Variants in SLC35F3 observed in about 807,000 individuals in gnomAD.
SLC35F3 encodes putative thiamine transporter SLC35F3.
A neutral mutation model predicts 49.9 loss-of-function variants in SLC35F3; 25 were observed. The ratio of observed to expected loss-of-function variants is 0.50; its 90% CI spans 0.37 to 0.70. SLC35F3 has a LOEUF of 0.70. Among genes scored for constraint, SLC35F3 ranks in the 30% least tolerant of loss-of-function variants. The pLI is 0.00. For missense variants in SLC35F3, 525 were observed against 639.8 expected (o/e 0.82, Z 1.94); for synonymous variants, 275 against 265.4 (o/e 1.04, Z -0.35).
chr1:234,130,499 C>T lies in SLC35F3; in HGVS notation c.284-100918C>T, dbSNP rs759954586. Among the ~76,000 whole-genome samples, 29 of 149,576 alleles carry T rather than the reference C, an allele frequency of 1.9e-4. 1 individual carries two copies. Among genetic ancestry groups the T allele is most frequent in the African/African-American group, 6.2e-4 (25 of 40,464 alleles). On this transcript the variant is annotated intron_variant, in intron 2 of 7. Coordinates refer to ENST00000366618, the MANE Select transcript of SLC35F3 (RefSeq NM_173508.4). ...AAAAAAAAAAAAAAAATTAGCCAGG[C>T]GTGGTGGCGAGCACCTGTAGTCTCA...
intron 2 of SLC35F3, among the ~76,000 whole-genome samples, chr1:234,195,445 A>G (rs767317590): frequency 1.3e-5 from 2 of 152,200 alleles, no homozygotes; most frequent in African/African-American, 2.4e-5. Context: ...TAAATGTATC[A>G]AGGCTCAAGG....
chr1:234,302,929 G>T (rs1668716663), intron 3 of SLC35F3, among the ~76,000 whole-genome samples: 1 of 152,156 alleles, frequency 6.6e-6, no homozygotes. Context: ...AGTAGTAAAA[G>T]AATTATGGTA....
At chr1:234,097,170 T>C (rs545997366) in intron 2 of SLC35F3, among the ~76,000 whole-genome samples, 2 of 152,288 alleles carry the variant, frequency 1.3e-5, no homozygotes, top group African/African-American at 4.8e-5. Context: ...ATTACAGGCA[T>C]GAGCCACCGG....
At chr1:234,056,447 C>A (rs1664457980) in intron 2 of SLC35F3, among the ~76,000 whole-genome samples, 1 of 152,092 alleles carries the variant, frequency 6.6e-6, no homozygotes, top group South Asian at 2.1e-4. Context: ...GGTATCTGTG[C>A]AACTATCACC....
chr1:233,971,892 G>T (rs1662999889), intron 2 of SLC35F3, among the ~76,000 whole-genome samples: 1 of 152,174 alleles, frequency 6.6e-6, no homozygotes, highest in African/African-American at 2.4e-5. Context: ...CATGGCCCAG[G>T]CCTGTCACCC....
intron 2 of SLC35F3, among the ~76,000 whole-genome samples, chr1:233,938,149 A>T (rs757721961): frequency 6.6e-6 from 1 of 152,136 alleles, no homozygotes; most frequent in Non-Finnish European, 1.5e-5. Context: ...GTAACTAAAA[A>T]TTCACAGAAA....
At chr1:234,119,047 T>C (rs1390684492) in intron 2 of SLC35F3, among the ~76,000 whole-genome samples, 2 of 152,100 alleles carry the variant, frequency 1.3e-5, no homozygotes, top group Non-Finnish European at 2.9e-5. Flanking sequence ...TCACACCTCT[T>C]GAAGTTTCTG....
intron 3 of SLC35F3, among the ~76,000 whole-genome samples, chr1:234,232,534 A>AAAG (rs1558268156): frequency 2.0e-5 from 3 of 150,986 alleles, no homozygotes; most frequent in African/African-American, 7.3e-5. Flanking sequence ...AAAAAAAAAA[A>AAAG]AAAAAAGAAA....
In SLC35F3 at chr1:234,260,949, G is replaced by A. The variant is rs1667895246; in HGVS notation, c.608+29208G>A. Among the ~76,000 whole-genome samples the A allele has an allele frequency of 2.0e-5, 3 of 152,124 alleles. 1 individual carries two copies. The South Asian group carries it at 6.2e-4, about 32-fold the overall frequency. On this transcript the variant is annotated intron_variant, in intron 3 of 7. Coordinates refer to ENST00000366618, the MANE Select transcript of SLC35F3 (RefSeq NM_173508.4). Reference sequence around the variant, plus strand: ...AGGGAAATAGTTAAACATCAAAACAGGTATGAGCAACTTATGTTTTCTGCT... The same window carrying A: ...AGGGAAATAGTTAAACATCAAAACAAGTATGAGCAACTTATGTTTTCTGCT...
intron 2 of SLC35F3, among the ~76,000 whole-genome samples, chr1:234,097,855 G>A (rs1665147407): frequency 6.6e-6 from 1 of 152,222 alleles, no homozygotes; most frequent in Non-Finnish European, 1.5e-5. Context: ...TGAAAGAGAT[G>A]AAGAGACATG....
chr1:233,969,111 CAA>C (rs1191308763), intron 2 of SLC35F3, among the ~76,000 whole-genome samples: 1 of 152,082 alleles, frequency 6.6e-6, no homozygotes, highest in East Asian at 1.9e-4. Context: ...ACATTTCAGC[CAA>C]GCAAAGTTTA....
At chr1:234,059,243 T>C (rs1036113248) in intron 2 of SLC35F3, among the ~76,000 whole-genome samples, 3 of 152,036 alleles carry the variant, frequency 2.0e-5, no homozygotes, top group Non-Finnish European at 2.9e-5. Flanking sequence ...CGGTGTCTTA[T>C]GGTAGAAGAT....
Position 234,108,363 on chromosome 1 carries a change from T to TAA in SLC35F3, c.284-123054_284-123053insAA, listed in dbSNP as rs71574899. 0.054 allele frequency among the ~76,000 whole-genome samples: 5,616 copies of TAA among 104,094 alleles called. 1,273 individuals are homozygous for TAA. The East Asian group carries it at 0.83, about 15-fold the overall frequency. 68.3% of individuals were successfully genotyped at this position (104,094 alleles called of 152,430 possible). A position where few individuals can be genotyped will look rare whatever the true frequency, so the allele number is the denominator to read the frequency against. Reference sequence around the variant, plus strand: ...TATAAAAGATATATATTTATATATATGATATATATTATTTATATATATAAA... The same window carrying TAA: ...TATAAAAGATATATATTTATATATATAAGATATATATTATTTATATATATAAA... On this transcript the variant is annotated intron_variant, in intron 2 of 7. Transcript: ENST00000366618.
At chr1:233,924,117 T>A (rs6671921) in intron 2 of SLC35F3, among the ~76,000 whole-genome samples, 1 of 152,056 alleles carries the variant, frequency 6.6e-6, no homozygotes, top group East Asian at 1.9e-4. Context: ...TTTTTTGTTG[T>A]GTCTCTGCCA....
intron 2 of SLC35F3, among the ~76,000 whole-genome samples, chr1:233,942,071 C>T (rs1662435208): frequency 6.6e-6 from 1 of 151,364 alleles, no homozygotes; most frequent in Non-Finnish European, 1.5e-5. Flanking sequence ...AGCGATTCTC[C>T]TGCCTCAGCC....
At chr1:233,934,641 A>G (rs144188748) in intron 2 of SLC35F3, among the ~76,000 whole-genome samples, 1 of 152,170 alleles carries the variant, frequency 6.6e-6, no homozygotes, top group Non-Finnish European at 1.5e-5. Context: ...GAATTATTAC[A>G]AAATGAATAT....
At chr1:234,227,902 A>C (rs1667313518) in intron 2 of SLC35F3, among the ~76,000 whole-genome samples, 1 of 152,252 alleles carries the variant, frequency 6.6e-6, no homozygotes, top group African/African-American at 2.4e-5. Context: ...AGTTCATTGA[A>C]AATGACCCTA....
chr1:234,010,443 C>G (rs1399487158), intron 2 of SLC35F3, among the ~76,000 whole-genome samples: 1 of 152,076 alleles, frequency 6.6e-6, no homozygotes, highest in Non-Finnish European at 1.5e-5. Flanking sequence ...AAAGTATCTA[C>G]AAAATAACCA....
intron 4 of SLC35F3, 58 bp from the exon 5 acceptor site, chr1:234,316,544 A>G: frequency 6.4e-7 from 1 of 1,556,782 alleles, no homozygotes. Context: ...TGGCGCTTGC[A>G]TACTCCCTCT....
Sources: gnomAD v4.1 joint callset for allele counts (sites outside exome capture counted in the v4.1 genomes callset) on GRCh38, gnomAD v4.1.1 for gene constraint, MANE v1.5 for transcripts, NCBI Gene and HGNC (gene_info 2026-07-23, HGNC 2026-07-21) for gene names.